Variants in DDAH1 observed in about 807,000 individuals in gnomAD.
DDAH1 encodes dimethylarginine dimethylaminohydrolase 1, also known as N(G),N(G)-dimethylarginine dimethylaminohydrolase 1.
DDAH1 carries 19 observed loss-of-function variants against 28.8 expected under a neutral mutation model. The observed-to-expected ratio is 0.66, with a 90% CI of 0.46 to 0.97. The LOEUF is 0.97. Ranked by LOEUF, DDAH1 falls within the 50% of genes least tolerant of loss-of-function variation. DDAH1 has a pLI of 0.00. For synonymous variants in DDAH1, 153 were observed against 154.4 expected (o/e 0.99, Z 0.07); for missense variants, 326 against 375.9 (o/e 0.87, Z 1.10).
intron 1 of DDAH1, among the ~76,000 whole-genome samples, chr1:85,443,793 A>G (rs1012483182): frequency 1.3e-5 from 2 of 152,016 alleles, no homozygotes; most frequent in Admixed American, 6.5e-5. Flanking sequence ...AGGGGAGTTC[A>G]CTCATTATTT....
chr1:85,505,759 T>A (rs1656992448), intron 1 of DDAH1, among the ~76,000 whole-genome samples: 1 of 152,218 alleles, frequency 6.6e-6, no homozygotes, highest in Non-Finnish European at 1.5e-5. Flanking sequence ...TTTTGTTTTT[T>A]AAAACTAAAC....
At chr1:85,365,472 C>T (rs1424201905) in intron 1 of DDAH1, among the ~76,000 whole-genome samples, 2 of 152,168 alleles carry the variant, frequency 1.3e-5, no homozygotes, top group East Asian at 3.9e-4. Context: ...TCTAAGCATA[C>T]ACAAACTAAG....
intron 2 of DDAH1, among the ~76,000 whole-genome samples, chr1:85,474,227 T>C (rs1413142153): frequency 6.6e-6 from 1 of 152,144 alleles, no homozygotes; most frequent in East Asian, 1.9e-4. Context: ...GTCCAGAAAA[T>C]AATTATTGGT....
intron 1 of DDAH1, among the ~76,000 whole-genome samples, chr1:85,554,470 A>G (rs1467961851): frequency 6.6e-6 from 1 of 152,106 alleles, no homozygotes; most frequent in African/African-American, 2.4e-5. Context: ...TGATTTTTAA[A>G]TGACTGGAAA....
chr1:85,548,094 C>A (rs1658679854), intron 1 of DDAH1, among the ~76,000 whole-genome samples: 1 of 152,016 alleles, frequency 6.6e-6, no homozygotes, highest in Non-Finnish European at 1.5e-5. Context: ...TATGCAATAC[C>A]TTTTTTCAAA....
chr1:85,337,112 AATAG>A (rs1648180037), intron 4 of DDAH1, among the ~76,000 whole-genome samples: 1 of 152,232 alleles, frequency 6.6e-6, no homozygotes, highest in Non-Finnish European at 1.5e-5. Flanking sequence ...CCATATGATT[AATAG>A]ATGGTGTGTA....
At chr1:85,468,892 C>T (rs960705579), upstream of DDAH1, among the ~76,000 whole-genome samples, 2 of 152,136 alleles carry the variant, frequency 1.3e-5, no homozygotes, top group Non-Finnish European at 2.9e-5. Context: ...AGGAAAGACT[C>T]GTTACCATGA....
chr1:85,366,523 G>T (rs1042696517), intron 1 of DDAH1, among the ~76,000 whole-genome samples: 3 of 152,104 alleles, frequency 2.0e-5, no homozygotes, highest in African/African-American at 7.2e-5. Flanking sequence ...TAAAAATGAG[G>T]TCATTTCCGG....
intron 1 of DDAH1, among the ~76,000 whole-genome samples, chr1:85,392,372 C>A (rs1299053599): frequency 6.6e-6 from 1 of 152,136 alleles, no homozygotes; most frequent in African/African-American, 2.4e-5. Flanking sequence ...AATTTGATTA[C>A]CACTGTGAAG....
exon 1 of DDAH1, chr1:85,578,096 G>C: frequency 2.5e-6 from 2 of 791,008 alleles, no homozygotes; most frequent in Non-Finnish European, 3.1e-6. Flanking sequence ...CGGTCTTTGG[G>C]CAGGACTTGA....
At chr1:85,336,534 A>C (rs1053872709) in intron 4 of DDAH1, among the ~76,000 whole-genome samples, 6 of 152,132 alleles carry the variant, frequency 3.9e-5, no homozygotes, top group Admixed American at 2.0e-4. Context: ...ATAAAGAAAA[A>C]GCATTGTTAC....
chr1:85,461,147 C>A (rs77073779), intron 1 of DDAH1, among the ~76,000 whole-genome samples: 17 of 151,458 alleles, frequency 1.1e-4, no homozygotes, highest in Admixed American at 1.1e-3. Context: ...TGCATTTTTT[C>A]CCTAAAAAGT....
intron 4 of DDAH1, 25 bp downstream of exon 4, chr1:85,350,390 A>G: frequency 6.2e-7 from 1 of 1,606,284 alleles, no homozygotes; most frequent in Non-Finnish European, 8.5e-7. Flanking sequence ...CACTACATTT[A>G]GAAGGAGCAC....
At chr1:85,468,588 C>T (rs1341297161), upstream of DDAH1, among the ~76,000 whole-genome samples, 4 of 150,082 alleles carry the variant, frequency 2.7e-5, no homozygotes, top group East Asian at 3.9e-4. Flanking sequence ...GGCGCAATCT[C>T]GGCTCACTGC....
chr1:85,462,022 T>C (rs1655145214), intron 1 of DDAH1, among the ~76,000 whole-genome samples: 6 of 152,196 alleles, frequency 3.9e-5, no homozygotes, highest in Admixed American at 3.9e-4. Context: ...GGAATTATGA[T>C]AGTATTGAGT....
intron 1 of DDAH1, among the ~76,000 whole-genome samples, chr1:85,499,201 A>G (rs1656708234): frequency 6.6e-6 from 1 of 152,128 alleles, no homozygotes; most frequent in South Asian, 2.1e-4. Context: ...AGTAAAAGGG[A>G]TAAAAAAGAA....
At chr1:85,495,296 A>T (rs1570607973) in intron 2 of DDAH1, 1 of 152,202 alleles carries the variant, frequency 6.6e-6, no homozygotes, top group East Asian at 1.9e-4. Flanking sequence ...GCCATGCCAT[A>T]AAGCCATCCC....
Position 85,537,344 on chromosome 1 carries a change from A to G in DDAH1, c.-123+40640T>C, listed in dbSNP as rs560438503. Among the ~76,000 whole-genome samples the G allele has an allele frequency of 2.6e-5, 4 of 151,992 alleles. No homozygotes were observed. In the South Asian group the frequency reaches 8.3e-4, roughly 32 times the overall value. ...GTGAGGACCTGTCTCAAAAATAATA[A>G]TAATAATAAAAAAAAATCCTGTAAC... On this transcript the variant is annotated intron_variant, in intron 1 of 6. Coordinates refer to the DDAH1 transcript ENST00000426972.
chr1:85,489,920 G>T (rs941597427), intron 2 of DDAH1, among the ~76,000 whole-genome samples: 1 of 152,074 alleles, frequency 6.6e-6, no homozygotes, highest in African/African-American at 2.4e-5. Flanking sequence ...ATCACGGAGG[G>T]AAGAAGAAAG....
Sources: gnomAD v4.1 joint callset for allele counts (sites outside exome capture counted in the v4.1 genomes callset) on GRCh38, gnomAD v4.1.1 for gene constraint, MANE v1.5 for transcripts, NCBI Gene and HGNC (gene_info 2026-07-23, HGNC 2026-07-21) for gene names.